Variants in ARHGAP15 observed in about 807,000 individuals in gnomAD.
ARHGAP15 encodes Rho GTPase activating protein 15, also known as rho GTPase-activating protein 15.
In ARHGAP15, 51 loss-of-function variants were observed where a neutral mutation model predicts 63.7. The observed-to-expected ratio is 0.80, with a 90% CI of 0.64 to 1.01. ARHGAP15 has a LOEUF of 1.01. Among genes scored for constraint, ARHGAP15 ranks in the 50% least tolerant of loss-of-function variants. The probability of loss-of-function intolerance (pLI) is 0.00; values close to 1 mark genes in which losing one functional copy is unlikely to be tolerated. For missense variants in ARHGAP15, 560 were observed against 564.6 expected (o/e 0.99, Z 0.08); for synonymous variants, 191 against 193.8 (o/e 0.99, Z 0.12).
intron 6 of ARHGAP15, among the ~76,000 whole-genome samples, chr2:143,319,648 A>C (rs1019375699): frequency 1.3e-5 from 2 of 151,334 alleles, no homozygotes; most frequent in Non-Finnish European, 2.9e-5. Flanking sequence ...ATTTTATGAA[A>C]CTCTTTTCTG....
intron 13 of ARHGAP15, among the ~76,000 whole-genome samples, chr2:143,728,575 G>T (rs763829030): frequency 5.9e-5 from 9 of 152,272 alleles, no homozygotes; most frequent in African/African-American, 1.7e-4. Flanking sequence ...TATTCTTCTA[G>T]TATGATTTTT....
At chr2:143,441,407 GA>G (rs1689875704) in intron 8 of ARHGAP15, among the ~76,000 whole-genome samples, 1 of 152,136 alleles carries the variant, frequency 6.6e-6, no homozygotes, top group African/African-American at 2.4e-5. Context: ...CCTAAACCCA[GA>G]AAAGCATGCC....
At chr2:143,434,159 G>T (rs1486963309) in intron 6 of ARHGAP15, among the ~76,000 whole-genome samples, 1 of 152,026 alleles carries the variant, frequency 6.6e-6, no homozygotes, top group African/African-American at 2.4e-5. Flanking sequence ...AAGACTGATT[G>T]GCCTCAGTAA....
chr2:143,637,303 T>C (rs1168856782), intron 12 of ARHGAP15, among the ~76,000 whole-genome samples: 2 of 152,096 alleles, frequency 1.3e-5, no homozygotes, highest in African/African-American at 4.8e-5. Flanking sequence ...AAATATTTGA[T>C]TTTTTCCTTA....
At chr2:143,179,118 G>T in intron 2 of ARHGAP15, among the ~76,000 whole-genome samples, 1 of 152,234 alleles carries the variant, frequency 6.6e-6, no homozygotes, top group Non-Finnish European at 1.5e-5. Context: ...ATCATTAGAG[G>T]GCTTTTTAAA....
At chr2:143,596,346 A>G (rs1697517907) in intron 11 of ARHGAP15, among the ~76,000 whole-genome samples, 1 of 152,116 alleles carries the variant, frequency 6.6e-6, no homozygotes, top group Non-Finnish European at 1.5e-5. Flanking sequence ...TTACTGTTCA[A>G]AGAATGCTAA....
chr2:143,518,258 T>C (rs1026985121), intron 9 of ARHGAP15, among the ~76,000 whole-genome samples: 4 of 152,216 alleles, frequency 2.6e-5, no homozygotes, highest in Non-Finnish European at 5.9e-5. Flanking sequence ...CAAGCACTGG[T>C]GAAGACATAG....
Position 143,186,111 on chromosome 2 carries a change from CT to C in ARHGAP15, c.166-16020del, listed in dbSNP as rs1558800877. ...CTTATTGCTGCTGAGTTGGGTGTGT[CT>C]TTCATTGTGGCTAGATGAGGGACAT... On this transcript the variant is annotated intron_variant, in intron 2 of 13. Transcript: ENST00000295095. Among the ~76,000 whole-genome samples, 7 of 152,242 alleles carry C rather than the reference CT, an allele frequency of 4.6e-5. No homozygotes were observed. In the South Asian group the frequency reaches 1.4e-3, roughly 32 times the overall value.
intron 6 of ARHGAP15, among the ~76,000 whole-genome samples, chr2:143,316,302 T>C (rs1280095361): frequency 6.6e-6 from 1 of 151,720 alleles, no homozygotes; most frequent in Non-Finnish European, 1.5e-5. Flanking sequence ...TTGTTAGAAA[T>C]GCAGAATTTC....
At chr2:143,238,623 A>G (rs750282903) in intron 5 of ARHGAP15, among the ~76,000 whole-genome samples, 1 of 152,250 alleles carries the variant, frequency 6.6e-6, no homozygotes, top group Non-Finnish European at 1.5e-5. Context: ...ATCATTGTGG[A>G]AGACACTGTG....
chr2:143,452,605 G>C (rs1690457190), intron 8 of ARHGAP15, among the ~76,000 whole-genome samples: 1 of 151,248 alleles, frequency 6.6e-6, no homozygotes, highest in South Asian at 2.1e-4. Context: ...GTAACTTTTT[G>C]TGTGCTGAGG....
chr2:143,683,952 T>A (rs1683213757), intron 12 of ARHGAP15, among the ~76,000 whole-genome samples: 1 of 152,218 alleles, frequency 6.6e-6, no homozygotes, highest in African/African-American at 2.4e-5. Context: ...ATAGCAAGGT[T>A]ATACCAATAA....
chr2:143,716,051 G>T (rs1684795950), intron 13 of ARHGAP15, among the ~76,000 whole-genome samples: 1 of 152,120 alleles, frequency 6.6e-6, no homozygotes, highest in African/African-American at 2.4e-5. Context: ...GCATCAGGAA[G>T]AATAGCTAAT....
At chr2:143,391,388 A>G (rs1474355048) in intron 6 of ARHGAP15, among the ~76,000 whole-genome samples, 1 of 152,118 alleles carries the variant, frequency 6.6e-6, no homozygotes, top group African/African-American at 2.4e-5. Context: ...TGTCCATGTG[A>G]TACCTTTGTT....
At chr2:143,310,415 G>A (rs1215972188) in intron 6 of ARHGAP15, among the ~76,000 whole-genome samples, 1 of 151,902 alleles carries the variant, frequency 6.6e-6, no homozygotes, top group African/African-American at 2.4e-5. Flanking sequence ...TGCTTCCTCA[G>A]CACTGTTTCA....
intron 6 of ARHGAP15, among the ~76,000 whole-genome samples, chr2:143,315,097 A>T (rs1459745916): frequency 6.6e-6 from 1 of 152,244 alleles, no homozygotes; most frequent in African/African-American, 2.4e-5. Context: ...AGGTTTGCAG[A>T]TTACAATGAG....
chr2:143,462,893 G>C (rs964248299), intron 8 of ARHGAP15, among the ~76,000 whole-genome samples: 1 of 152,056 alleles, frequency 6.6e-6, no homozygotes, highest in African/African-American at 2.4e-5. Context: ...AGTTAGAAAG[G>C]GAAGACACAA....
intron 10 of ARHGAP15, among the ~76,000 whole-genome samples, chr2:143,536,334 G>A (rs1694758133): frequency 1.3e-5 from 2 of 151,994 alleles, no homozygotes; most frequent in East Asian, 1.9e-4. Flanking sequence ...ATTTCACTTA[G>A]CATAACGTCC....
At chr2:143,360,809 A>T (rs1199688392) in intron 6 of ARHGAP15, among the ~76,000 whole-genome samples, 1 of 152,234 alleles carries the variant, frequency 6.6e-6, no homozygotes, top group African/African-American at 2.4e-5. Context: ...CACATGCTTA[A>T]TTATCAAATA....
Sources: allele counts gnomAD v4.1 joint callset (sites outside exome capture counted in the v4.1 genomes callset), GRCh38; gene constraint gnomAD v4.1.1; transcripts MANE v1.5; gene names NCBI Gene and HGNC (gene_info 2026-07-23, HGNC 2026-07-21).